The following NCOA1 variants were observed in gnomAD, a reference collection of about 807,000 sequenced individuals.
NCOA1 encodes nuclear receptor coactivator 1.
Under a neutral mutation model 150.9 loss-of-function variants are expected in NCOA1, and 35 were observed. That is an observed-to-expected ratio of 0.23 (90% CI 0.18 to 0.31). NCOA1 has a LOEUF of 0.31. NCOA1 is among the 10% of genes least tolerant of loss of function. The pLI is 1.00. For synonymous variants in NCOA1, 590 were observed against 630.0 expected (o/e 0.94, Z 0.95); for missense variants, 1,491 against 1,749.3 (o/e 0.85, Z 2.63).
In NCOA1 at chr2:24,742,469, T is replaced by C. The variant is rs556992918; in HGVS notation, c.3706+283T>C. On this transcript the variant is annotated intron_variant, in intron 19 of 22. Coordinates refer to ENST00000348332, the MANE Select transcript of NCOA1 (RefSeq NM_003743.5). ...TACGTTCCCCCTTTTTTTTTTCTTT[T>C]TTGTTAGATGCAGTCTCGCTCTGTT... 5.3e-5 allele frequency among the ~76,000 whole-genome samples: 8 copies of C among 152,204 alleles called. 1 individual carries two copies. In the South Asian group the frequency reaches 1.5e-3, roughly 28 times the overall value.
intron 6 of NCOA1, 80 bp from the exon 7 acceptor site, chr2:24,673,286 G>T: frequency 1.1e-6 from 1 of 908,460 alleles, no homozygotes; most frequent in Non-Finnish European, 1.6e-6. Flanking sequence ...AAATTTGGTG[G>T]ATCTATGTCT....
At position 24,770,170 on chromosome 2, in the gene NCOA1, C is replaced by G. The variant is rs1380736341; in HGVS notation, c.*1779C>G. 8.6e-6 allele frequency: 2 copies of G among 231,364 alleles called. No individual in the cohort carries two copies. Among genetic ancestry groups the G allele is most frequent in the Non-Finnish European group, 1.7e-5 (2 of 116,706 alleles). 14.3% of individuals were successfully genotyped at this position (231,364 alleles called of 1,614,324 possible). A position where few individuals can be genotyped will look rare whatever the true frequency, so the allele number is the denominator to read the frequency against. On this transcript the variant is annotated 3_prime_UTR_variant, in exon 23 of 23. Coordinates refer to ENST00000348332, the MANE Select transcript of NCOA1 (RefSeq NM_003743.5). ...ATCTCCTTTAGTTTTTCAGAAAATGCATCCCTGATTTCATTCATTTCCAGC... is the reference window on the plus strand; with the variant it reads ...ATCTCCTTTAGTTTTTCAGAAAATGGATCCCTGATTTCATTCATTTCCAGC...
intron 1 of NCOA1, among the ~76,000 whole-genome samples, chr2:24,505,276 T>G (rs1663645567): frequency 6.6e-6 from 1 of 151,934 alleles, no homozygotes; most frequent in South Asian, 2.1e-4. Context: ...AACCTCCGCC[T>G]CCTGGGTTCA....
intron 3 of NCOA1, among the ~76,000 whole-genome samples, chr2:24,639,916 G>GTATGTATATATA (rs1558864239): frequency 1.3e-4 from 4 of 29,716 alleles, no homozygotes; most frequent in Non-Finnish European, 2.2e-4. Context: ...ATGTGTGTGT[G>GTATGTATATATA]TATATATATA....
intron 2 of NCOA1, among the ~76,000 whole-genome samples, chr2:24,581,868 CA>C (rs1667208247): frequency 6.6e-6 from 1 of 152,094 alleles, no homozygotes; most frequent in Non-Finnish European, 1.5e-5. Context: ...TATGATCACC[CA>C]AAAGATGTAG....
intron 4 of NCOA1, among the ~76,000 whole-genome samples, chr2:24,645,163 T>G (rs1017200573): frequency 6.6e-6 from 1 of 152,000 alleles, no homozygotes; most frequent in Non-Finnish European, 1.5e-5. Flanking sequence ...TAAGAAGATA[T>G]TCATCTAATC....
chr2:24,496,728 G>A (rs1486705365), intron 1 of NCOA1, among the ~76,000 whole-genome samples: 1 of 152,148 alleles, frequency 6.6e-6, no homozygotes, highest in Admixed American at 6.5e-5. Flanking sequence ...TAATATTACA[G>A]CTGAGCAGAC....
At position 24,729,485 on chromosome 2, in the gene NCOA1, G is replaced by C. The variant is rs1373112588; in HGVS notation, c.2887-16G>C. ...AGAAATTTATTTGTAAAATATTCTG[G>C]CTTCTTTTCTAACAGGGGGGTGGAT... On this transcript the variant is annotated splice_polypyrimidine_tract_variant and intron_variant, in intron 16 of 22. Coordinates refer to ENST00000348332, the MANE Select transcript of NCOA1 (RefSeq NM_003743.5). The C allele has an allele frequency of 8.8e-6, 14 of 1,599,712 alleles. No individual in the cohort carries two copies. Among genetic ancestry groups the C allele is most frequent in the Non-Finnish European group, 1.2e-5 (14 of 1,169,528 alleles).
intron 3 of NCOA1, among the ~76,000 whole-genome samples, chr2:24,595,732 CCTTTTT>C (rs1468734297): frequency 6.6e-6 from 1 of 151,984 alleles, no homozygotes; most frequent in East Asian, 1.9e-4. Context: ...TTTTTTAGGG[CCTTTTT>C]AGCCTTGCAG....
At chr2:24,711,212 A>T in intron 14 of NCOA1, 101 bp downstream of exon 14, 1 of 1,179,518 alleles carries the variant, frequency 8.5e-7, no homozygotes, top group Non-Finnish European at 1.1e-6. Context: ...CTTAAGAGTG[A>T]AATATCTTTT....
chr2:24,597,010 T>C (rs1667911248), intron 3 of NCOA1, among the ~76,000 whole-genome samples: 2 of 152,230 alleles, frequency 1.3e-5, no homozygotes, highest in South Asian at 4.1e-4. Context: ...ATTAACAATG[T>C]AATATTTATA....
intron 3 of NCOA1, among the ~76,000 whole-genome samples, chr2:24,630,500 A>G (rs544360720): frequency 6.6e-6 from 1 of 152,346 alleles, no homozygotes; most frequent in South Asian, 2.1e-4. Flanking sequence ...CTTGTTGCAC[A>G]TATCCAAGAA....
At chr2:24,681,223 G>A (rs1672147967) in intron 7 of NCOA1, among the ~76,000 whole-genome samples, 1 of 152,150 alleles carries the variant, frequency 6.6e-6, no homozygotes, top group Non-Finnish European at 1.5e-5. Context: ...AATCAGCGGG[G>A]CATGGTGGCA....
intron 3 of NCOA1, among the ~76,000 whole-genome samples, chr2:24,594,984 G>T (rs1667829512): frequency 6.6e-6 from 1 of 151,630 alleles, no homozygotes; most frequent in Non-Finnish European, 1.5e-5. Flanking sequence ...AAATTAAATG[G>T]GCCAAATGTT....
intron 2 of NCOA1, among the ~76,000 whole-genome samples, chr2:24,567,516 G>A (rs1247947742): frequency 6.6e-6 from 1 of 152,144 alleles, no homozygotes; most frequent in Non-Finnish European, 1.5e-5. Context: ...CTTGGGCTAG[G>A]AAGACTAGAT....
In NCOA1 at chr2:24,642,007, C is replaced by CGTGTGTGTGTGTGT. The variant is rs58991961; in HGVS notation, c.-174-1941_-174-1928dup. On this transcript the variant is annotated intron_variant, in intron 3 of 22. Transcript: ENST00000348332. ...GGTATTGCCAGCAGATTACAGAGGG[C>CGTGTGTGTGTGTGT]GTGTGTGTGTGTGTGTGTGTGTGTG... Among the ~76,000 whole-genome samples, 312 of 144,976 alleles carry CGTGTGTGTGTGTGT rather than the reference C, an allele frequency of 2.2e-3. 3 individuals carry two copies. The highest frequency in any genetic ancestry group is 6.6e-3 in the African/African-American group (255 of 38,602).
chr2:24,533,935 A>G (rs1350631610), intron 1 of NCOA1, among the ~76,000 whole-genome samples: 1 of 152,150 alleles, frequency 6.6e-6, no homozygotes, highest in African/African-American at 2.4e-5. Flanking sequence ...AGGCTTTGGT[A>G]TCAGGATGAT....
intron 17 of NCOA1, among the ~76,000 whole-genome samples, chr2:24,736,834 T>A (rs1384915457): frequency 6.6e-6 from 1 of 152,194 alleles, no homozygotes; most frequent in Non-Finnish European, 1.5e-5. Context: ...TGTCTTCAGA[T>A]ATTGCCAGAT....
At chr2:24,710,468 GATAA>G (rs769405452) in intron 13 of NCOA1, among the ~76,000 whole-genome samples, 3 of 151,972 alleles carry the variant, frequency 2.0e-5, no homozygotes, top group Non-Finnish European at 4.4e-5. Context: ...CTTTAAAGCT[GATAA>G]ATAATTTATG....
Sources: gnomAD v4.1 joint callset for allele counts (sites outside exome capture counted in the v4.1 genomes callset) on GRCh38, gnomAD v4.1.1 for gene constraint, MANE v1.5 for transcripts, NCBI Gene and HGNC (gene_info 2026-07-23, HGNC 2026-07-21) for gene names.